Variants in ZNF33B observed in about 807,000 individuals in gnomAD.
The protein encoded by ZNF33B is zinc finger protein 33B.
In ZNF33B, 29 loss-of-function variants were observed where a neutral mutation model predicts 45.8. The ratio of observed to expected loss-of-function variants is 0.63; its 90% confidence interval spans 0.47 to 0.86. The LOEUF (loss-of-function observed/expected upper bound fraction) is 0.86. ZNF33B is among the 40% of genes least tolerant of loss of function. ZNF33B has a pLI of 0.00. For synonymous variants in ZNF33B, 305 were observed against 307.8 expected (o/e 0.99, Z 0.10); for missense variants, 831 against 909.9 (o/e 0.91, Z 1.12).
At chr10:42,596,873 T>C (rs1167507987) in intron 4 of ZNF33B, among the ~76,000 whole-genome samples, 1 of 152,058 alleles carries the variant, frequency 6.6e-6, no homozygotes, top group Non-Finnish European at 1.5e-5. Flanking sequence ...TCATATCTTT[T>C]GTGAATAAAG....
downstream of ZNF33B, among the ~76,000 whole-genome samples, chr10:42,584,702 G>A (rs1836895451): frequency 6.6e-6 from 1 of 152,132 alleles, no homozygotes; most frequent in African/African-American, 2.4e-5. Context: ...TGTATTTTTA[G>A]TAGAGACAGG....
rs1351876434 is a variant in ZNF33B, at chr10:42,611,959, C to T, written c.251-17260G>A. Among the ~76,000 whole-genome samples the T allele has an allele frequency of 2.6e-5, 4 of 152,188 alleles. No individual in the cohort carries two copies. In the East Asian group the frequency reaches 5.8e-4, roughly 22 times the overall value. On this transcript the variant is annotated intron_variant, in intron 4 of 4. Coordinates refer to ENST00000359467, the MANE Select transcript of ZNF33B (RefSeq NM_006955.3). ...CTTATTTTGTTGTCTTATGGCATTACCTACAATTTCCAATGAGATGTTGAG... is the reference window on the plus strand; with the variant it reads ...CTTATTTTGTTGTCTTATGGCATTATCTACAATTTCCAATGAGATGTTGAG...
chr10:42,586,240 G>A (rs1333724167), downstream of ZNF33B, among the ~76,000 whole-genome samples: 12 of 133,160 alleles, frequency 9.0e-5, no homozygotes, highest in East Asian at 7.3e-4. Context: ...TGCAAGCTCC[G>A]CCTCCCAGGT....
intron 2 of ZNF33B, among the ~76,000 whole-genome samples, chr10:42,636,093 T>C (rs768504131): frequency 6.6e-6 from 1 of 151,952 alleles, no homozygotes; most frequent in Non-Finnish European, 1.5e-5. Context: ...CGTGCCACTG[T>C]ACTCCAGCCA....
At position 42,591,326 on chromosome 10, in the gene ZNF33B, T is replaced by C; in HGVS notation, c.*1287A>G. On this transcript the variant is annotated 3_prime_UTR_variant, in exon 5 of 5. Coordinates refer to ENST00000359467, the MANE Select transcript of ZNF33B (RefSeq NM_006955.3). ...TACGCTGAAGGCTGGAGTGTTCACA[T>C]ATGTACCCCAGGCAGTTCATGGCAT... The C allele has an allele frequency of 1.4e-6, 1 of 705,700 alleles. No individual in the cohort carries two copies. Among genetic ancestry groups the C allele is most frequent in the South Asian group, 6.4e-5 (1 of 15,594 alleles). 43.7% of individuals were successfully genotyped at this position (705,700 alleles called of 1,614,324 possible).
In ZNF33B at chr10:42,580,197, G is replaced by C. The variant is rs1836803815; in HGVS notation, c.74-5519C>G. ...GTAATATTGAGGACGGTGAGGTCAG[G>C]GCTGCCATAAAGTCCCGTTTCTCAT... On this transcript the variant is annotated intron_variant, in intron 1 of 1. Coordinates refer to the ZNF33B transcript ENST00000462075. 2.0e-5 allele frequency among the ~76,000 whole-genome samples: 3 copies of C among 152,094 alleles called. No homozygotes were observed. In the South Asian group the frequency reaches 6.2e-4, roughly 32 times the overall value.
chr10:42,600,059 A>G (rs1001184082), intron 4 of ZNF33B, among the ~76,000 whole-genome samples: 1 of 152,132 alleles, frequency 6.6e-6, no homozygotes, highest in Non-Finnish European at 1.5e-5. Flanking sequence ...AATACTCTAT[A>G]TGACTTCAAT....
intron 4 of ZNF33B, among the ~76,000 whole-genome samples, chr10:42,629,946 CT>C (rs1380053927): frequency 6.6e-6 from 1 of 152,178 alleles, no homozygotes; most frequent in Admixed American, 6.5e-5. Context: ...ACTTAGGCCC[CT>C]TTACCCTCCC....
At chr10:42,610,817 T>C (rs564931194) in intron 4 of ZNF33B, among the ~76,000 whole-genome samples, 303 of 152,336 alleles carry the variant, frequency 2.0e-3, no homozygotes, top group Non-Finnish European at 3.7e-3. Context: ...AAATTTCATG[T>C]GGAAATTTAG....
rs1836749881 is a variant in ZNF33B at position 42,576,382 on chromosome 10, A to AT, written c.74-1705dup. Reference sequence around the variant, plus strand: ...TCAATAAAAATATGCAGATCTTGTTATTGAAGCTCTATGGATCTGTGAGCT... The same window carrying AT: ...TCAATAAAAATATGCAGATCTTGTTATTTGAAGCTCTATGGATCTGTGAGCT... On this transcript the variant is annotated intron_variant, in intron 1 of 1. Transcript: ENST00000462075. 3.9e-5 allele frequency among the ~76,000 whole-genome samples: 6 copies of AT among 152,328 alleles called. No homozygotes were observed. The South Asian group carries it at 1.2e-3, about 32-fold the overall frequency.
In ZNF33B at chr10:42,608,881, GA is replaced by G. The variant is rs575458559; in HGVS notation, c.251-14183del. On this transcript the variant is annotated intron_variant, in intron 4 of 4. Coordinates refer to ENST00000359467, the MANE Select transcript of ZNF33B (RefSeq NM_006955.3). ...CAAACCTCTAATTAGACTGACAATG[GA>G]AAAAAAAAAAAAGAAGATTCAAATT... Among the ~76,000 whole-genome samples the G allele has an allele frequency of 4.1e-3, 397 of 97,130 alleles. 5 individuals carry two copies. The highest frequency in any genetic ancestry group is 0.038 in the South Asian group (151 of 3,994). 63.7% of individuals were successfully genotyped at this position (97,130 alleles called of 152,430 possible).
At chr10:42,628,354 T>C (rs1838906544) in intron 4 of ZNF33B, among the ~76,000 whole-genome samples, 1 of 152,304 alleles carries the variant, frequency 6.6e-6, no homozygotes, top group Non-Finnish European at 1.5e-5. Context: ...TCAGTCCTGT[T>C]GGCTGATGTT....
intron 1 of ZNF33B, among the ~76,000 whole-genome samples, chr10:42,580,690 G>A (rs1458255128): frequency 6.6e-6 from 1 of 151,058 alleles, no homozygotes; most frequent in Non-Finnish European, 1.5e-5. Context: ...GGAGGCTGAG[G>A]TGGGTGGATC....
intron 4 of ZNF33B, among the ~76,000 whole-genome samples, chr10:42,615,860 A>T (rs1281585480): frequency 6.6e-6 from 1 of 151,982 alleles, no homozygotes; most frequent in African/African-American, 2.4e-5. Context: ...AGGAGGTGGA[A>T]GCTGCAGTGA....
chr10:42,594,019 T>C lies in ZNF33B; in HGVS notation c.931A>G (p.Arg311Gly), dbSNP rs1837277550. Residue 311 changes from arginine (R) to glycine (G), a missense_variant, in exon 5 of 5, where the codon AGG becomes GGG. By Grantham distance (125) the Arg-to-Gly change is moderately radical. Coordinates refer to ENST00000359467, the MANE Select transcript of ZNF33B (RefSeq NM_006955.3). ...AGCTGTGACAGACACAATTTCCTCC[T>C]GAAATTATTCCCACTTTCACCACAA... ...YDCGESGNNF[R>G]RKLCLSQLQK... 5.0e-6 allele frequency: 8 copies of C among 1,613,986 alleles called. No homozygotes were observed. The highest frequency in any genetic ancestry group is 5.9e-6 in the Non-Finnish European group (7 of 1,179,984).
At chr10:42,625,187 A>T (rs543109414) in intron 4 of ZNF33B, among the ~76,000 whole-genome samples, 1 of 152,182 alleles carries the variant, frequency 6.6e-6, no homozygotes, top group African/African-American at 2.4e-5. Context: ...GCCTACTTAC[A>T]AAGTTGAGTT....
chr10:42,624,355 G>A (rs1420466220), intron 4 of ZNF33B, among the ~76,000 whole-genome samples: 1 of 152,088 alleles, frequency 6.6e-6, no homozygotes, highest in Non-Finnish European at 1.5e-5. Context: ...ATTGTTCTAT[G>A]TGTATGTTCT....
chr10:42,602,755 C>A (rs1478505937), intron 4 of ZNF33B, among the ~76,000 whole-genome samples: 2 of 152,132 alleles, frequency 1.3e-5, no homozygotes, highest in African/African-American at 4.8e-5. Flanking sequence ...TTTTTCCACG[C>A]TGGCTGGCAG....
chr10:42,592,532 T>C lies in ZNF33B; in HGVS notation c.*81A>G, dbSNP rs1003677942. ...GGATAGTTATTGAACATTCAGGATG[T>C]CAACAGGCCCTTCTCCACAGTGTGA... On this transcript the variant is annotated 3_prime_UTR_variant, in exon 5 of 5. Transcript: ENST00000359467. 3 of 1,509,112 alleles carry C rather than the reference T, an allele frequency of 2.0e-6. No individual in the cohort carries two copies. Among genetic ancestry groups the C allele is most frequent in the South Asian group, 1.3e-5 (1 of 75,124 alleles). The allele number at this position is 1,509,112 out of a possible 1,614,324, so 93.5% of individuals were successfully genotyped here. A position where few individuals can be genotyped will look rare whatever the true frequency, so the allele number is the denominator to read the frequency against.
Sources: allele counts gnomAD v4.1 joint callset (sites outside exome capture counted in the v4.1 genomes callset), GRCh38; gene constraint gnomAD v4.1.1; transcripts MANE v1.5; gene names NCBI Gene and HGNC (gene_info 2026-07-23, HGNC 2026-07-21).